The following GPBP1L1 variants were observed in gnomAD, a reference collection of about 807,000 sequenced individuals.
GPBP1L1 encodes vasculin-like protein 1.
A neutral mutation model predicts 52.5 loss-of-function variants in GPBP1L1; 23 were observed. The ratio of observed to expected loss-of-function variants is 0.44; its 90% confidence interval spans 0.32 to 0.62. The LOEUF is 0.62. GPBP1L1 is among the 20% of genes least tolerant of loss of function. GPBP1L1 has a pLI of 0.06. For synonymous variants in GPBP1L1, 243 were observed against 203.1 expected (o/e 1.20, Z -1.67); for missense variants, 596 against 579.3 (o/e 1.03, Z -0.30).
Position 45,633,908 on chromosome 1 carries a change from C to T in GPBP1L1, c.885+188G>A, listed in dbSNP as rs1569757013. 2.6e-5 allele frequency: 18 copies of T among 690,546 alleles called. No homozygotes were observed. The East Asian group carries it at 4.4e-4, about 17-fold the overall frequency. 42.8% of individuals were successfully genotyped at this position (690,546 alleles called of 1,614,324 possible). A position where few individuals can be genotyped will look rare whatever the true frequency, so the allele number is the denominator to read the frequency against. On this transcript the variant is annotated intron_variant, in intron 9 of 12. Coordinates refer to ENST00000355105, the MANE Select transcript of GPBP1L1 (RefSeq NM_021639.5). ...CTAACATAGGATGACCTTGGTCCAC[C>T]ACAGAGCATCTATCCCATTTAGCCA...
chr1:45,638,400 T>C (rs1441484336), intron 8 of GPBP1L1, among the ~76,000 whole-genome samples: 1 of 152,214 alleles, frequency 6.6e-6, no homozygotes, highest in Non-Finnish European at 1.5e-5. Flanking sequence ...AACTCAAAAG[T>C]CTCCTAAGAT....
At chr1:45,633,433 C>G (rs878882059) in intron 10 of GPBP1L1, 56 bp downstream of exon 10, 1 of 1,564,328 alleles carries the variant, frequency 6.4e-7, no homozygotes, top group Non-Finnish European at 8.8e-7. Context: ...GAAGAAATCA[C>G]GTATGTATCA....
At chr1:45,645,768 G>GTTTTT in intron 6 of GPBP1L1, 5 of 208,266 alleles carry the variant, frequency 2.4e-5, no homozygotes, top group South Asian at 3.6e-5. Flanking sequence ...GAAGTTTTTT[G>GTTTTT]TTTTTTTTTT....
rs1475431627 is a variant in GPBP1L1 at position 45,654,662 on chromosome 1, A to T, written c.358T>A (p.Trp120Arg). The T allele has an allele frequency of 1.2e-6, 2 of 1,614,028 alleles. No individual in the cohort carries two copies. ...TTCCGGGAGTGGAAGCTGCCATTCC[A>T]ATGGCGATGGTTCCCTGTGCCACCT... ...SGGGTGNHRH[W>R]NGSFHSRKGC... Residue 120 changes from tryptophan (W) to arginine (R), a missense_variant, in exon 6 of 13, where the codon TGG becomes AGG. By Grantham distance (101) the Trp-to-Arg change is moderately radical. Transcript: ENST00000355105.
In GPBP1L1 at chr1:45,641,461, AACAC is replaced by A. The variant is rs143580004; in HGVS notation, c.550+962_550+965del. On this transcript the variant is annotated intron_variant, in intron 7 of 12. Transcript: ENST00000355105. ...ATATATATACACACACATACACATA[AACAC>A]ACACACACACACACACACACACGAA... Among the ~76,000 whole-genome samples the A allele has an allele frequency of 8.2e-3, 1,200 of 146,820 alleles. 3 individuals carry two copies. Among genetic ancestry groups the A allele is most frequent in the Middle Eastern group, 0.01 (3 of 288 alleles).
At chr1:45,636,466 T>C (rs1644596039) in intron 8 of GPBP1L1, among the ~76,000 whole-genome samples, 1 of 152,224 alleles carries the variant, frequency 6.6e-6, no homozygotes, top group African/African-American at 2.4e-5. Flanking sequence ...CTGTTCTTTT[T>C]ATACAGGCCT....
At chr1:45,632,475 G>A (rs1644542660) in intron 10 of GPBP1L1, among the ~76,000 whole-genome samples, 1 of 152,178 alleles carries the variant, frequency 6.6e-6, no homozygotes, top group Non-Finnish European at 1.5e-5. Context: ...TAGCACTTTG[G>A]GAGGCTGAGA....
At chr1:45,686,562 G>C (rs1231417637), upstream of GPBP1L1, 4 of 152,690 alleles carry the variant, frequency 2.6e-5, no homozygotes, top group African/African-American at 9.6e-5. Flanking sequence ...GAGGGGCAGA[G>C]CGGGTGGAGG....
At chr1:45,684,273 A>AAG (rs1553185635) in intron 2 of GPBP1L1, among the ~76,000 whole-genome samples, 5 of 150,706 alleles carry the variant, frequency 3.3e-5, no homozygotes, top group Non-Finnish European at 5.9e-5. Context: ...AAAAAAAAAA[A>AAG]AAAAGAAAAA....
rs1407602902 is a variant in GPBP1L1, at chr1:45,640,308, A to C, written c.646T>G (p.Ser216Ala). ...PAAAFSAAFT[S>A]PGSHHANGNK... is the part of the protein sequence containing the mutation. ...CCATTTGCATGGTGAGATCCTGGTG[A>C]GGTGAATGCAGCAGAGAAGGCAGCA... Residue 216 changes from serine to alanine, a missense_variant, in exon 8 of 13, where the codon TCA (serine) becomes GCA (alanine). Coordinates refer to ENST00000355105, the MANE Select transcript of GPBP1L1 (RefSeq NM_021639.5). 2 of 1,614,002 alleles carry C rather than the reference A, an allele frequency of 1.2e-6. No homozygotes were observed. Among genetic ancestry groups the C allele is most frequent in the South Asian group, 2.2e-5 (2 of 91,076 alleles).
At chr1:45,664,708 C>T (rs1644989599) in intron 2 of GPBP1L1, among the ~76,000 whole-genome samples, 5 of 152,090 alleles carry the variant, frequency 3.3e-5, no homozygotes, top group Admixed American at 3.3e-4. Flanking sequence ...TGAGGTCTTA[C>T]TTCGTGACCC....
In GPBP1L1 at chr1:45,640,251, A is replaced by G. The variant is rs1314377215; in HGVS notation, c.703T>C (p.Tyr235His). Residue 235 changes from tyrosine to histidine, a missense_variant, in exon 8 of 13, where the codon TAT (tyrosine) becomes CAT (histidine). By Grantham distance (83) the Tyr-to-His change is moderately conservative. Transcript: ENST00000355105. ...NKLSSVVPSV[Y>H]KNLVPKPVPP... The stretch of plus-strand genomic sequence containing the variant: ...ACAGGCTTAGGAACCAGGTTCTTAT[A>G]GACACTTGGAACCACGGATGACAAT... The G allele has an allele frequency of 1.2e-6, 2 of 1,614,184 alleles. No individual in the cohort carries two copies. The highest frequency in any genetic ancestry group is 8.5e-7 in the Non-Finnish European group (1 of 1,179,994).
intron 2 of GPBP1L1, among the ~76,000 whole-genome samples, chr1:45,668,875 C>T (rs1645042062): frequency 6.6e-6 from 1 of 152,082 alleles, no homozygotes; most frequent in African/African-American, 2.4e-5. Context: ...GTGAGACAAT[C>T]ACCTCACCTT....
chr1:45,676,073 ACAAGGAGAACT>A (rs1349601247), intron 2 of GPBP1L1, among the ~76,000 whole-genome samples: 1 of 152,194 alleles, frequency 6.6e-6, no homozygotes, highest in Non-Finnish European at 1.5e-5. Flanking sequence ...TAAGTCCTCA[ACAAGGAGAACT>A]CAAGGGTTAT....
intron 2 of GPBP1L1, among the ~76,000 whole-genome samples, chr1:45,664,771 C>A (rs1421474730): frequency 6.6e-6 from 1 of 151,408 alleles, no homozygotes; most frequent in Non-Finnish European, 1.5e-5. Context: ...TGCCTCCTCC[C>A]GGGTTCAAGC....
intron 2 of GPBP1L1, among the ~76,000 whole-genome samples, chr1:45,663,224 C>A (rs1476086159): frequency 3.9e-5 from 6 of 152,036 alleles, no homozygotes; most frequent in African/African-American, 9.7e-5. Flanking sequence ...TTTTATCTTA[C>A]GAATTCTAGT....
In GPBP1L1 at chr1:45,634,150, A is replaced by C. The variant is rs1377252344; in HGVS notation, c.831T>G (p.Ser277=). 1.2e-6 allele frequency: 2 copies of C among 1,614,004 alleles called. No individual in the cohort carries two copies. Among genetic ancestry groups the C allele is most frequent in the Non-Finnish European group, 1.7e-6 (2 of 1,179,970 alleles). ...SRESAFTSPI[S]VTKPVVLASG... ...TAGCCAGTACCACTGGTTTGGTAAC[A>C]GAGATTGGACTGGTAAAAGCAGACT... is the stretch of plus-strand genomic sequence containing the variant. The change falls in exon 9 of 13, where the codon TCT becomes TCG. Residue 277 remains serine (S), a synonymous_variant. Transcript: ENST00000355105.
intron 5 of GPBP1L1, 146 bp downstream of exon 5, chr1:45,655,044 G>T: frequency 9.5e-7 from 1 of 1,053,292 alleles, no homozygotes; most frequent in Non-Finnish European, 1.4e-6. Flanking sequence ...GAAAGCCAAT[G>T]TAGTTGCGTA....
At chr1:45,684,001 T>C (rs891153456) in intron 2 of GPBP1L1, among the ~76,000 whole-genome samples, 1 of 151,690 alleles carries the variant, frequency 6.6e-6, no homozygotes, top group Non-Finnish European at 1.5e-5. Context: ...CTCATGACTA[T>C]AATCCCAGCA....
Sources: gnomAD v4.1 joint callset for allele counts (sites outside exome capture counted in the v4.1 genomes callset) on GRCh38, gnomAD v4.1.1 for gene constraint, MANE v1.5 for transcripts, NCBI Gene and HGNC (gene_info 2026-07-23, HGNC 2026-07-21) for gene names.